GGTA1: variants seen among roughly 807,000 people sequenced by gnomAD.
The protein encoded by GGTA1 is glycoprotein alpha-galactosyltransferase 1 (inactive), also known as inactive N-acetyllactosaminide alpha-1,3-galactosyltransferase.
In GGTA1, 5 loss-of-function variants were observed where a neutral mutation model predicts 2.6. The ratio of observed to expected loss-of-function variants is 1.92; its 90% CI spans 1.00 to 4.04. The LOEUF is 4.04. Among genes scored for constraint, GGTA1 ranks in the 30% most tolerant of loss-of-function variants. GGTA1 has a pLI of 0.00. For missense variants in GGTA1, 50 were observed against 16.7 expected, an observed-to-expected ratio of 2.99 and a Z score of -3.47; for synonymous variants, 17 against 5.0, an observed-to-expected ratio of 3.38 and a Z score of -3.19.
intron 1 of GGTA1, among the ~76,000 whole-genome samples, chr9:121,470,024 C>T (rs1299331327): frequency 6.6e-6 from 1 of 152,228 alleles, no homozygotes; most frequent in Non-Finnish European, 1.5e-5. Flanking sequence ...CCTGACCACC[C>T]TTGTGTCTTT....
intron 1 of GGTA1, among the ~76,000 whole-genome samples, chr9:121,487,923 C>T (rs1291955189): frequency 2.6e-5 from 4 of 152,022 alleles, no homozygotes; most frequent in Non-Finnish European, 4.4e-5. Context: ...ACCATGTTGG[C>T]GAGGCTGGTC....
intron 1 of GGTA1, among the ~76,000 whole-genome samples, chr9:121,497,761 C>A (rs1296389128): frequency 6.6e-6 from 1 of 152,192 alleles, no homozygotes; most frequent in Non-Finnish European, 1.5e-5. Context: ...GACCAACTCA[C>A]ATAAATGGTC....
At chr9:121,457,663 T>G (rs1361143768) in intron 5 of GGTA1, among the ~76,000 whole-genome samples, 2 of 144,636 alleles carry the variant, frequency 1.4e-5, no homozygotes, top group Admixed American at 7.0e-5. Flanking sequence ...ATTGCGCCAC[T>G]GCACTCCAGC....
At position 121,476,686 on chromosome 9, in the gene GGTA1, C is replaced by A. The variant is rs1456944050; in HGVS notation, c.-9-8755G>T. On this transcript the variant is annotated intron_variant, in intron 1 of 5. Coordinates refer to ENST00000481799, the MANE Select transcript of GGTA1 (RefSeq NM_001382585.1). The surrounding 1 kb of genome is among the most constrained non-coding windows in gnomAD (Gnocchi z 4.6). Reference sequence around the variant, plus strand: ...TTTGGCTCAGATCATGCATAGGAACCACCAACCAATATGCGCTGAATGCAG... The same window carrying A: ...TTTGGCTCAGATCATGCATAGGAACAACCAACCAATATGCGCTGAATGCAG... Among the ~76,000 whole-genome samples the A allele has an allele frequency of 6.6e-6, 1 of 152,160 alleles. No individual in the cohort carries two copies. Among genetic ancestry groups the A allele is most frequent in the Non-Finnish European group, 1.5e-5 (1 of 68,032 alleles).
chr9:121,474,491 C>T (rs762581646), intron 1 of GGTA1, among the ~76,000 whole-genome samples: 3 of 152,280 alleles, frequency 2.0e-5, no homozygotes, highest in South Asian at 2.1e-4. Context: ...CCTCCTTTTC[C>T]GCTTCTGTTT....
intron 1 of GGTA1, among the ~76,000 whole-genome samples, chr9:121,483,581 G>C (rs2118744815): frequency 1.3e-5 from 2 of 152,320 alleles, no homozygotes; most frequent in Admixed American, 1.3e-4. Flanking sequence ...GCCCAGGTAA[G>C]AGCTTGGTAC....
chr9:121,468,448 T>C (rs1828305033), intron 1 of GGTA1, among the ~76,000 whole-genome samples: 1 of 152,222 alleles, frequency 6.6e-6, no homozygotes, highest in Admixed American at 6.5e-5. Flanking sequence ...ATTTCAAGTC[T>C]TTGCTATAGT....
chr9:121,450,335 C>CG (rs1170653750), downstream of GGTA1, among the ~76,000 whole-genome samples: 7 of 120,748 alleles, frequency 5.8e-5, no homozygotes, highest in African/African-American at 9.8e-5. Context: ...GGTGGGGTGG[C>CG]GGGGGGGTGG....
intron 5 of GGTA1, among the ~76,000 whole-genome samples, chr9:121,458,533 G>C (rs907898233): frequency 6.6e-6 from 1 of 151,754 alleles, no homozygotes; most frequent in Non-Finnish European, 1.5e-5. Context: ...AGGCTGAGGC[G>C]GGAGGATCAC....
At chr9:121,463,492 A>T (rs2064977592) in intron 2 of GGTA1, among the ~76,000 whole-genome samples, 164 bp from the exon 3 acceptor site, 2 of 152,038 alleles carry the variant, frequency 1.3e-5, no homozygotes, top group Admixed American at 6.6e-5. Flanking sequence ...CATCAGGAGG[A>T]TGGAAATTTC....
chr9:121,499,246 G>T (rs552874204), intron 1 of GGTA1, among the ~76,000 whole-genome samples: 209 of 152,096 alleles, frequency 1.4e-3, no homozygotes, highest in African/African-American at 4.9e-3. Flanking sequence ...TCCTGGGCAA[G>T]AGCCATTCCT....
intron 1 of GGTA1, among the ~76,000 whole-genome samples, chr9:121,484,800 C>T (rs1210231722): frequency 6.6e-6 from 1 of 152,174 alleles, no homozygotes; most frequent in East Asian, 1.9e-4. Context: ...ATAAATGACA[C>T]GCAGAGTGAT....
chr9:121,446,487 TA>T (rs2064852786), exon 8 of GGTA1: 1 of 152,248 alleles, frequency 6.6e-6, no homozygotes, highest in Non-Finnish European at 1.5e-5. Context: ...TGCTGCACAG[TA>T]ACTCCATGTT....
At chr9:121,480,307 C>G (rs1174752408) in intron 1 of GGTA1, among the ~76,000 whole-genome samples, 1 of 152,196 alleles carries the variant, frequency 6.6e-6, no homozygotes, top group African/African-American at 2.4e-5. Flanking sequence ...CCGCCCGCCT[C>G]AGCCTCCCAA....
At chr9:121,449,153 T>A (rs556414613) in intron 7 of GGTA1, among the ~76,000 whole-genome samples, 1 of 152,364 alleles carries the variant, frequency 6.6e-6, no homozygotes, top group South Asian at 2.1e-4. Context: ...GGAATAATAG[T>A]CCATTGTCTG....
chr9:121,452,239 C>T (rs1003037479), downstream of GGTA1: 7 of 152,610 alleles, frequency 4.6e-5, no homozygotes, highest in Admixed American at 2.0e-4. Context: ...CCCACACAAC[C>T]GGCGCCTTCC....
At chr9:121,482,308 A>C (rs1055973042) in intron 1 of GGTA1, among the ~76,000 whole-genome samples, 5 of 152,088 alleles carry the variant, frequency 3.3e-5, no homozygotes, top group African/African-American at 9.7e-5. Context: ...TCTCCACAAA[A>C]AATGTAAAAA....
At chr9:121,456,709 C>T (rs1163309246) in intron 5 of GGTA1, among the ~76,000 whole-genome samples, 4 of 151,928 alleles carry the variant, frequency 2.6e-5, no homozygotes, top group African/African-American at 9.7e-5. Flanking sequence ...AGCTACCATG[C>T]CCAGCCGGAA....
intron 2 of GGTA1, among the ~76,000 whole-genome samples, chr9:121,465,011 AAAAAAAAC>A (rs1304771628): frequency 3.1e-4 from 46 of 149,622 alleles, no homozygotes; most frequent in African/African-American, 6.1e-4. Context: ...CAAACAAAAA[AAAAAAAAC>A]AAAAAACAAC....
Sources: gnomAD v4.1 joint callset for allele counts (sites outside exome capture counted in the v4.1 genomes callset) on GRCh38, gnomAD v4.1.1 for gene constraint, Gnocchi (gnomAD v3.1) non-coding constraint, MANE v1.5 for transcripts, NCBI Gene and HGNC (gene_info 2026-07-23, HGNC 2026-07-21) for gene names.